Variants in COL11A2 observed in about 807,000 individuals in gnomAD.
The protein encoded by COL11A2 is collagen type XI alpha 2 chain, also known as collagen alpha-2(XI) chain.
A neutral mutation model predicts 273.4 loss-of-function variants in COL11A2; 116 were observed. The observed-to-expected ratio is 0.42, with a 90% CI of 0.36 to 0.49. The LOEUF (loss-of-function observed/expected upper bound fraction) is 0.49. Among genes scored for constraint, COL11A2 ranks in the 20% least tolerant of loss-of-function variants. The pLI is 0.00. For synonymous variants in COL11A2, 782 were observed against 864.2 expected, an observed-to-expected ratio of 0.90 and a Z score of 1.67; for missense variants, 1,866 against 2,309.0, an observed-to-expected ratio of 0.81 and a Z score of 3.93.
Position 33,176,714 on chromosome 6 carries a change from A to G in COL11A2, c.2115+7T>C, listed in dbSNP as rs186051366. 500 of 1,612,738 alleles carry G rather than the reference A, an allele frequency of 3.1e-4. 3 individuals are homozygous for G. In the African/African-American group the frequency reaches 5.8e-3, roughly 19 times the overall value. ...CCCTCAGGGGATAAAGACATGGAAG[A>G]TCTCACCTGGTTTCCTTTGGTTCCA... On this transcript the variant is annotated splice_region_variant and intron_variant, in intron 26 of 65. Coordinates refer to ENST00000341947, the MANE Select transcript of COL11A2 (RefSeq NM_080680.3). This position sits in a 1 kb window ranked among gnomAD's most constrained non-coding sequence, Gnocchi z 4.9.
intron 8 of COL11A2, among the ~76,000 whole-genome samples, chr6:33,181,435 G>C (rs1260585569): frequency 6.6e-6 from 1 of 152,070 alleles, no homozygotes; most frequent in African/African-American, 2.4e-5. Flanking sequence ...GCCTCTTTCA[G>C]GAAGGTCCCC....
In COL11A2 at chr6:33,163,560, G is replaced by T; in HGVS notation, c.*118C>A. On this transcript the variant is annotated 3_prime_UTR_variant, in exon 66 of 66. Coordinates refer to ENST00000341947, the MANE Select transcript of COL11A2 (RefSeq NM_080680.3). The surrounding 1 kb of genome is among the most constrained non-coding windows in gnomAD (Gnocchi z 4.1). Reference sequence around the variant, plus strand: ...CCTGCCCCGACTGAGGGCTCTCCACGCCCTGGCCCAGGGCTCCCTAGATAG... The same window carrying T: ...CCTGCCCCGACTGAGGGCTCTCCACTCCCTGGCCCAGGGCTCCCTAGATAG... The T allele has an allele frequency of 6.5e-7, 1 of 1,535,032 alleles. No individual in the cohort carries two copies. The highest frequency in any genetic ancestry group is 9.0e-7 in the Non-Finnish European group (1 of 1,111,706).
At chr6:33,191,121 C>T (rs2269346) in intron 1 of COL11A2, among the ~76,000 whole-genome samples, 14,196 of 152,214 alleles carry the variant, frequency 0.093, 1,216 homozygotes, top group East Asian at 0.51. Context: ...CATCCCCCTG[C>T]CTCCATGCCA....
At position 33,176,473 on chromosome 6, in the gene COL11A2, G is replaced by T. The variant is rs2150568988; in HGVS notation, c.2129C>A (p.Pro710His). Residue 710 changes from proline to histidine, a missense_variant, in exon 27 of 66, where the codon CCT (proline) becomes CAT (histidine). By Grantham distance (77) the Pro-to-His change is moderately conservative. Transcript: ENST00000341947. This position sits in a 1 kb window ranked among gnomAD's most constrained non-coding sequence, Gnocchi z 4.9. ...TCCTGGGTATCCTAGAGGTCCCTGA[G>T]GTCCAGAGGGACCCTGGAAGATAAA... Reference protein sequence around the residue: ...GTKGNQGPSGPQGPLGYPGPR... With the variant: ...GTKGNQGPSGHQGPLGYPGPR... 2 of 1,612,394 alleles carry T rather than the reference G, an allele frequency of 1.2e-6. No individual in the cohort carries two copies. The highest frequency in any genetic ancestry group is 1.7e-5 in the Admixed American group (1 of 59,998).
At position 33,178,654 on chromosome 6, in the gene COL11A2, A is replaced by C. The variant is rs750438228; in HGVS notation, c.1719+25T>G. 1 of 1,612,276 alleles carries C rather than the reference A, an allele frequency of 6.2e-7. No homozygotes were observed. Among genetic ancestry groups the C allele is most frequent in the South Asian group, 1.1e-5 (1 of 91,076 alleles). On this transcript the variant is annotated intron_variant, in intron 18 of 65. Coordinates refer to ENST00000341947, the MANE Select transcript of COL11A2 (RefSeq NM_080680.3). This position sits in a 1 kb window ranked among gnomAD's most constrained non-coding sequence, Gnocchi z 4.6. Reference sequence around the variant, plus strand: ...CCATAGAAGATCTATCCCCAATTACAACACACACCCACTAATGTACTCACC... The same window carrying C: ...CCATAGAAGATCTATCCCCAATTACCACACACACCCACTAATGTACTCACC...
intron 39 of COL11A2, 69 bp from the exon 40 acceptor site, chr6:33,172,447 C>G (rs1007774148): frequency 8.4e-6 from 13 of 1,554,472 alleles, no homozygotes; most frequent in East Asian, 2.3e-5. Context: ...CTCCAGCCCC[C>G]CCTCAAATCT....
In COL11A2 at chr6:33,167,460, C is replaced by G; in HGVS notation, c.4088G>C (p.Gly1363Ala). 5 of 1,612,906 alleles carry G rather than the reference C, an allele frequency of 3.1e-6. No individual in the cohort carries two copies. The highest frequency in any genetic ancestry group is 4.2e-6 in the Non-Finnish European group (5 of 1,180,018). Reference sequence around the variant, plus strand: ...TGGGAGCCCCCTCAGACCATCAGGGCCAGGTTTCCCTGCTGGGCCTGCAGG... The same window carrying G: ...TGGGAGCCCCCTCAGACCATCAGGGGCAGGTTTCCCTGCTGGGCCTGCAGG... Reference protein sequence around the residue: ...VGPAGPAGKPGPDGLRGLPGS... With the variant: ...VGPAGPAGKPAPDGLRGLPGS... Residue 1363 changes from glycine to alanine, a missense_variant, in exon 56 of 66, where the codon GGC becomes GCC. Gly to Ala is a moderately conservative substitution (Grantham distance 60, BLOSUM62 0). Transcript: ENST00000341947. This position sits in a 1 kb window ranked among gnomAD's most constrained non-coding sequence, Gnocchi z 6.1.
intron 6 of COL11A2, among the ~76,000 whole-genome samples, chr6:33,185,289 G>T (rs981734024): frequency 3.9e-5 from 6 of 152,186 alleles, no homozygotes; most frequent in African/African-American, 7.2e-5. Flanking sequence ...TCTACCTGCC[G>T]GTAACTGCTG....
At chr6:33,188,904 TAG>T (rs1014162973) in intron 3 of COL11A2, 72 bp downstream of exon 3, 21 of 1,520,464 alleles carry the variant, frequency 1.4e-5, no homozygotes, top group Non-Finnish European at 1.9e-5. Flanking sequence ...TTTCACAGTT[TAG>T]AGTGTAGGGG....
In COL11A2 at chr6:33,163,774, C is replaced by T; in HGVS notation, c.5115G>A (p.Leu1705=). The change falls in exon 66 of 66, where the codon CTG becomes CTA. Residue 1705 remains leucine, a synonymous_variant. Coordinates refer to ENST00000341947, the MANE Select transcript of COL11A2 (RefSeq NM_080680.3). The surrounding 1 kb of genome is among the most constrained non-coding windows in gnomAD (Gnocchi z 4.1). ...AGGCATCCAGCACTGGCAGCTGCTCCAGCACAGGCGTTCGCACCTCCAGCA... is the reference window on the plus strand; with the variant it reads ...AGGCATCCAGCACTGGCAGCTGCTCTAGCACAGGCGTTCGCACCTCCAGCA... ...RTVLEVRTPV[L]EQLPVLDASF... 1 of 1,613,116 alleles carries T rather than the reference C, an allele frequency of 6.2e-7. No homozygotes were observed. Among genetic ancestry groups the T allele is most frequent in the Non-Finnish European group, 8.5e-7 (1 of 1,180,038 alleles).
chr6:33,178,769 C>A lies in COL11A2; in HGVS notation c.1666-37G>T, dbSNP rs1215851636. ...AAGGATAGCCAGAGTGAGGACACGA[C>A]CCTGTCCAAGCCCACCCCTCCCTAC... On this transcript the variant is annotated intron_variant, in intron 17 of 65. Coordinates refer to ENST00000341947, the MANE Select transcript of COL11A2 (RefSeq NM_080680.3). This position sits in a 1 kb window ranked among gnomAD's most constrained non-coding sequence, Gnocchi z 4.6. The A allele has an allele frequency of 6.2e-7, 1 of 1,611,986 alleles. No homozygotes were observed. The highest frequency in any genetic ancestry group is 1.3e-5 in the African/African-American group (1 of 74,822).
At position 33,170,168 on chromosome 6, in the gene COL11A2, G is replaced by T; in HGVS notation, c.3583-68C>A. 1 of 1,605,984 alleles carries T rather than the reference G, an allele frequency of 6.2e-7. No individual in the cohort carries two copies. The highest frequency in any genetic ancestry group is 2.2e-5 in the East Asian group (1 of 44,844). ...GTGCCATTTCAGGGGCAAAGTCCCA[G>T]ATGAGCAGCCCAAGGTTACAGCAGT... On this transcript the variant is annotated intron_variant, in intron 48 of 65. Coordinates refer to ENST00000341947, the MANE Select transcript of COL11A2 (RefSeq NM_080680.3). This position sits in a 1 kb window ranked among gnomAD's most constrained non-coding sequence, Gnocchi z 4.3.
chr6:33,187,162 G>A (rs369139262), intron 4 of COL11A2, among the ~76,000 whole-genome samples: 2 of 152,166 alleles, frequency 1.3e-5, no homozygotes, highest in East Asian at 1.9e-4. Flanking sequence ...TCCCCTCTGC[G>A]CTTTGTGGCA....
rs34415548 is a variant in COL11A2 at position 33,184,262 on chromosome 6, C to G, written c.1002G>C (p.Glu334Asp). 4.6e-5 allele frequency: 63 copies of G among 1,367,710 alleles called. 1 individual carries two copies. The highest frequency in any genetic ancestry group is 4.4e-4 in the African/African-American group (30 of 67,852). 84.7% of individuals were successfully genotyped at this position (1,367,710 alleles called of 1,614,324 possible). The part of the protein sequence containing the change: ...ADRFQAEEYG[E>D]GGTDPPEGPY... ...GCCCTTCAGGGGGGTCTGTGCCACC[C>G]TCCCCATATTCCTCTGCCTGGAACC... The change falls in exon 8 of 66, where the codon GAG becomes GAC. Residue 334 changes from glutamate (E) to aspartate (D), a missense_variant. Transcript: ENST00000341947.
In COL11A2 at chr6:33,163,308, T is replaced by C. The variant is rs945254017; in HGVS notation, c.*370A>G. 5.2e-5 allele frequency: 14 copies of C among 269,802 alleles called. No individual in the cohort carries two copies. The highest frequency in any genetic ancestry group is 1.1e-3 in the Middle Eastern group (1 of 872). The allele number at this position is 269,802 out of a possible 1,614,324, so 16.7% of individuals were successfully genotyped here. ...GATTTTTGTTGGCGTTTCTCTTTTT[T>C]GTTATTTTGCTTTCCACACTTTAAA... On this transcript the variant is annotated 3_prime_UTR_variant, in exon 66 of 66. Transcript: ENST00000341947. The surrounding 1 kb of genome is among the most constrained non-coding windows in gnomAD (Gnocchi z 4.1).
Position 33,170,491 on chromosome 6 carries a change from G to T in COL11A2, c.3528+66C>A. Reference sequence around the variant, plus strand: ...CCAGGGAGTTGGCAGTGGGGTGTGGGGTGGGGGCTGGCCAGGGAGGGGGGT... The same window carrying T: ...CCAGGGAGTTGGCAGTGGGGTGTGGTGTGGGGGCTGGCCAGGGAGGGGGGT... On this transcript the variant is annotated intron_variant, in intron 47 of 65. Coordinates refer to ENST00000341947, the MANE Select transcript of COL11A2 (RefSeq NM_080680.3). The surrounding 1 kb of genome is among the most constrained non-coding windows in gnomAD (Gnocchi z 4.3). 6.3e-7 allele frequency: 1 copy of T among 1,584,208 alleles called. No individual in the cohort carries two copies. Among genetic ancestry groups the T allele is most frequent in the Non-Finnish European group, 8.6e-7 (1 of 1,158,122 alleles).
chr6:33,164,354 G>A lies in COL11A2; in HGVS notation c.4983C>T (p.Asp1661=), dbSNP rs528251146. The A allele has an allele frequency of 2.9e-5, 46 of 1,612,778 alleles. No individual in the cohort carries two copies. The East Asian group carries it at 6.2e-4, about 22-fold the overall frequency. The change falls in exon 65 of 66, where the codon GAC becomes GAT. Residue 1661 remains aspartate, a synonymous_variant. Coordinates refer to ENST00000341947, the MANE Select transcript of COL11A2 (RefSeq NM_080680.3). This position sits in a 1 kb window ranked among gnomAD's most constrained non-coding sequence, Gnocchi z 4.7. ...VSYPCSGAAR[D]GPLRLRGANE... ...TGGCCCCACGGAGTCTCAGGGGACC[G>A]TCACGGGCTGCTCCAGAGCAGGGGT...
Position 33,167,341 on chromosome 6 carries a change from G to A in COL11A2, c.4123-24C>T. The A allele has an allele frequency of 1.9e-6, 3 of 1,613,176 alleles. No homozygotes were observed. Among genetic ancestry groups the A allele is most frequent in the Non-Finnish European group, 2.5e-6 (3 of 1,179,956 alleles). On this transcript the variant is annotated intron_variant, in intron 56 of 65. Coordinates refer to ENST00000341947, the MANE Select transcript of COL11A2 (RefSeq NM_080680.3). This position sits in a 1 kb window ranked among gnomAD's most constrained non-coding sequence, Gnocchi z 6.1. ...CCCTGAAGATTTGAGGGGGCCACAGGGGTCAGGAGGAGCATCCCCACACTG... is the reference window on the plus strand; with the variant it reads ...CCCTGAAGATTTGAGGGGGCCACAGAGGTCAGGAGGAGCATCCCCACACTG...
Position 33,176,517 on chromosome 6 carries a change from G to A in COL11A2, c.2116-31C>T. The A allele has an allele frequency of 1.9e-6, 3 of 1,595,638 alleles. No homozygotes were observed. The highest frequency in any genetic ancestry group is 2.6e-6 in the Non-Finnish European group (3 of 1,164,556). ...AGATAAAAGAGAGGCATTTATAAAG[G>A]GGCCTCAGAGTGTCACTGTGGGGGC... On this transcript the variant is annotated intron_variant, in intron 26 of 65. Coordinates refer to ENST00000341947, the MANE Select transcript of COL11A2 (RefSeq NM_080680.3). This position sits in a 1 kb window ranked among gnomAD's most constrained non-coding sequence, Gnocchi z 4.9.
Sources: allele counts gnomAD v4.1 joint callset (sites outside exome capture counted in the v4.1 genomes callset), GRCh38; gene constraint gnomAD v4.1.1; non-coding constraint Gnocchi (gnomAD v3.1); transcripts MANE v1.5; gene names NCBI Gene and HGNC (gene_info 2026-07-23, HGNC 2026-07-21).